The following AASS variants were observed in gnomAD, a reference collection of about 807,000 sequenced individuals.
The protein encoded by AASS is aminoadipate-semialdehyde synthase.
Under a neutral mutation model 105.4 loss-of-function variants are expected in AASS, and 86 were observed. The observed-to-expected ratio is 0.82, with a 90% CI of 0.69 to 0.98. The LOEUF is 0.98. Ranked by LOEUF, AASS falls within the 50% of genes least tolerant of loss-of-function variation. AASS has a pLI of 0.00. For synonymous variants in AASS, 381 were observed against 394.8 expected, an observed-to-expected ratio of 0.96 and a Z score of 0.41; for missense variants, 1,048 against 1,143.2, an observed-to-expected ratio of 0.92 and a Z score of 1.20.
rs1171746203 is a variant in AASS at position 122,101,430 on chromosome 7, A to G, written c.1347T>C (p.Ile449=). The change falls in exon 13 of 24, where the codon ATT becomes ATC. Residue 449 remains isoleucine (I), a synonymous_variant. Transcript: ENST00000417368. ...NFSPVVRDAV[I]TSNGTLPDKY... The stretch of plus-strand genomic sequence containing the variant: ...TATCAGGTAATGTACCGTTGGATGT[A>G]ATCACTGCCTAAATGTATATGACAC... 6.2e-7 allele frequency: 1 copy of G among 1,609,676 alleles called. No individual in the cohort carries two copies. The highest frequency in any genetic ancestry group is 1.7e-5 in the Admixed American group (1 of 59,802).
chr7:122,091,900 GTAATTAA>G, intron 17 of AASS, 57 bp from the exon 18 acceptor site: 5 of 1,256,604 alleles, frequency 4.0e-6, no homozygotes, highest in Non-Finnish European at 4.6e-6. Context: ...GAATGTCTAA[GTAATTAA>G]TTGAAGACAA....
intron 1 of AASS, among the ~76,000 whole-genome samples, chr7:122,138,283 T>C (rs1235808139): frequency 6.6e-6 from 1 of 152,178 alleles, no homozygotes. Flanking sequence ...GGGTAATACA[T>C]TCCAAGAAGC....
intron 18 of AASS, among the ~76,000 whole-genome samples, chr7:122,091,373 C>T (rs1264795081): frequency 6.6e-6 from 1 of 152,048 alleles, no homozygotes; most frequent in Non-Finnish European, 1.5e-5. Flanking sequence ...TGCCCAAAGT[C>T]CAGCACATAG....
chr7:122,093,245 A>T, intron 15 of AASS, 87 bp from the exon 16 acceptor site: 1 of 967,082 alleles, frequency 1.0e-6, no homozygotes, highest in South Asian at 1.3e-5. Flanking sequence ...CTGCATCTTA[A>T]GGTACTGTTC....
intron 2 of AASS, among the ~76,000 whole-genome samples, chr7:122,129,953 CA>C (rs1374307766): frequency 1.3e-5 from 2 of 151,972 alleles, no homozygotes; most frequent in African/African-American, 2.4e-5. Context: ...AGTGTTTACC[CA>C]GTTAGTATTT....
chr7:122,074,443 T>C lies in AASS; in HGVS notation c.*2046A>G, dbSNP rs1792908631. 1.3e-5 allele frequency among the ~76,000 whole-genome samples: 2 copies of C among 152,246 alleles called. No homozygotes were observed. The highest frequency in any genetic ancestry group is 1.3e-4 in the Admixed American group (2 of 15,282). ...CTCATTCTGTGGGTTGTATTTTTGC[T>C]TTCTTGATATTGTCCTTGGAAACAC... On this transcript the variant is annotated 3_prime_UTR_variant, in exon 24 of 24. Transcript: ENST00000417368.
intron 11 of AASS, among the ~76,000 whole-genome samples, chr7:122,105,496 C>A (rs1018951141): frequency 3.3e-5 from 5 of 151,864 alleles, no homozygotes; most frequent in Non-Finnish European, 7.4e-5. Context: ...TATGTCTTAA[C>A]AAATTCAAAA....
Position 122,093,085 on chromosome 7 carries a change from T to C in AASS, c.1729A>G (p.Ser577Gly), listed in dbSNP as rs1406955012. The change falls in exon 16 of 24, where the codon AGC (serine) becomes GGC (glycine). Residue 577 changes from serine to glycine, a missense_variant. Physicochemically the swap from Ser to Gly is moderately conservative, Grantham distance 56 (BLOSUM62 0). Transcript: ENST00000417368. The part of the protein sequence containing the change: ...ITNKVNMVTA[S>G]YITPALKELE... ...TCTTTTAGTGCTGGTGTGATGTAGC[T>C]TGCAGTGACCATGTTAACTTTGTTT... The C allele has an allele frequency of 6.2e-7, 1 of 1,614,024 alleles. No homozygotes were observed. Among genetic ancestry groups the C allele is most frequent in the Non-Finnish European group, 8.5e-7 (1 of 1,179,908 alleles).
At chr7:122,126,230 T>C in intron 4 of AASS, 145 bp downstream of exon 4, 2 of 771,902 alleles carry the variant, frequency 2.6e-6, no homozygotes, top group South Asian at 1.4e-5. Flanking sequence ...ATTCCACTTG[T>C]ATTCATCATC....
In AASS at chr7:122,079,700, AGAG is replaced by A; in HGVS notation, c.2290_2292del (p.Leu764del). 6.2e-7 allele frequency: 1 copy of A among 1,612,838 alleles called. No individual in the cohort carries two copies. Among genetic ancestry groups the A allele is most frequent in the Non-Finnish European group, 8.5e-7 (1 of 1,178,878 alleles). On this transcript the variant is annotated inframe_deletion, in exon 21 of 24. Coordinates refer to ENST00000417368, the MANE Select transcript of AASS (RefSeq NM_005763.4). ...GAGGGTGAAATCCCAACTAGGTCAC[AGAG>A]GAGTTGTTTCTGGTTAGAAAAAGAA...
At chr7:122,113,952 A>T (rs1795052190) in intron 9 of AASS, among the ~76,000 whole-genome samples, 1 of 151,672 alleles carries the variant, frequency 6.6e-6, no homozygotes, top group Non-Finnish European at 1.5e-5. Context: ...AAAGAAAGAA[A>T]GAAAAGAAAA....
At chr7:122,141,730 A>G (rs1796411040) in intron 1 of AASS, among the ~76,000 whole-genome samples, 1 of 151,862 alleles carries the variant, frequency 6.6e-6, no homozygotes, top group South Asian at 2.1e-4. Flanking sequence ...ATGTCGTGAA[A>G]TATAGTACAG....
intron 8 of AASS, among the ~76,000 whole-genome samples, chr7:122,115,493 T>C (rs1169004806): frequency 6.6e-6 from 1 of 151,786 alleles, no homozygotes; most frequent in African/African-American, 2.4e-5. Context: ...CGAAGAAAAA[T>C]GAAAGGACAA....
intron 4 of AASS, among the ~76,000 whole-genome samples, chr7:122,126,133 A>C (rs1795646090): frequency 6.6e-6 from 1 of 152,000 alleles, no homozygotes; most frequent in Non-Finnish European, 1.5e-5. Context: ...TAAAAATCAG[A>C]GCTTGTTTGT....
At position 122,129,974 on chromosome 7, in the gene AASS, C is replaced by T. The variant is rs1215156822; in HGVS notation, c.211-437G>A. Among the ~76,000 whole-genome samples the T allele has an allele frequency of 4.6e-5, 7 of 151,930 alleles. No homozygotes were observed. The South Asian group carries it at 1.5e-3, about 32-fold the overall frequency. ...TACCCAGTTAGTATTTATTACTATC[C>T]TTACTGTACATTAGTCCGTGCTAGA... On this transcript the variant is annotated intron_variant, in intron 2 of 23. Transcript: ENST00000417368.
intron 3 of AASS, among the ~76,000 whole-genome samples, chr7:122,127,832 C>G (rs1467384437): frequency 6.6e-6 from 1 of 152,094 alleles, no homozygotes; most frequent in South Asian, 2.1e-4. Flanking sequence ...CTAGACACCA[C>G]CTGGTCTCTC....
At position 122,133,497 on chromosome 7, in the gene AASS, A is replaced by G. The variant is rs1403188306; in HGVS notation, c.210+20T>C. ...TGCAGGTTCATTTTATTCTCACATAAAAATATTGGAAATACTCACCTTATC... is the reference window on the plus strand; with the variant it reads ...TGCAGGTTCATTTTATTCTCACATAGAAATATTGGAAATACTCACCTTATC... On this transcript the variant is annotated intron_variant, in intron 2 of 23. Coordinates refer to ENST00000417368, the MANE Select transcript of AASS (RefSeq NM_005763.4). 6.2e-6 allele frequency: 10 copies of G among 1,613,270 alleles called. No homozygotes were observed. Among genetic ancestry groups the G allele is most frequent in the Middle Eastern group, 1.6e-4 (1 of 6,084 alleles).
chr7:122,124,784 A>G (rs181817335), intron 4 of AASS, among the ~76,000 whole-genome samples: 1 of 152,266 alleles, frequency 6.6e-6, no homozygotes, highest in Non-Finnish European at 1.5e-5. Flanking sequence ...GAGTCCTGAA[A>G]GGCCCTAGGA....
At chr7:122,099,911 A>G (rs975559118) in intron 13 of AASS, among the ~76,000 whole-genome samples, 6 of 151,972 alleles carry the variant, frequency 3.9e-5, no homozygotes, top group Middle Eastern at 3.4e-3. Context: ...TTATTCGGTT[A>G]TTATATTTTC....
Sources: allele counts gnomAD v4.1 joint callset (sites outside exome capture counted in the v4.1 genomes callset), GRCh38; gene constraint gnomAD v4.1.1; transcripts MANE v1.5; gene names NCBI Gene and HGNC (gene_info 2026-07-23, HGNC 2026-07-21).